The following DTNA variants were observed in gnomAD, a reference collection of about 807,000 sequenced individuals.
DTNA encodes dystrophin-related protein 3.
A neutral mutation model predicts 100.7 loss-of-function variants in DTNA; 43 were observed. That is an observed-to-expected ratio of 0.43 (90% CI 0.33 to 0.55). The LOEUF is 0.55. DTNA is among the 20% of genes least tolerant of loss of function. DTNA has a pLI of 0.04. For synonymous variants in DTNA, 349 were observed against 347.9 expected, an observed-to-expected ratio of 1.00 and a Z score of -0.04; for missense variants, 798 against 953.9, an observed-to-expected ratio of 0.84 and a Z score of 2.15.
At chr18:34,547,024 A>T (rs2145854772) in intron 1 of DTNA, among the ~76,000 whole-genome samples, 1 of 152,160 alleles carries the variant, frequency 6.6e-6, no homozygotes, top group African/African-American at 2.4e-5. Flanking sequence ...AATTTTCATG[A>T]TTATAAATCT....
intron 1 of DTNA, among the ~76,000 whole-genome samples, chr18:34,592,702 G>A (rs1367274510): frequency 3.3e-5 from 5 of 151,962 alleles, no homozygotes; most frequent in South Asian, 2.1e-4. Flanking sequence ...CAAGCAGGCG[G>A]CATGATGATT....
At chr18:34,612,843 T>A (rs1362979016) in intron 1 of DTNA, among the ~76,000 whole-genome samples, 1 of 152,216 alleles carries the variant, frequency 6.6e-6, no homozygotes, top group East Asian at 1.9e-4. Flanking sequence ...TTAGAATTAA[T>A]CATGACTAGG....
intron 11 of DTNA, 71 bp downstream of exon 11, chr18:34,829,560 C>A: frequency 7.2e-7 from 1 of 1,379,884 alleles, no homozygotes; most frequent in Non-Finnish European, 9.5e-7. Context: ...TCATTCTACT[C>A]TGGCACTAAA....
At chr18:34,833,795 T>C (rs2096071131) in intron 11 of DTNA, among the ~76,000 whole-genome samples, 1 of 152,238 alleles carries the variant, frequency 6.6e-6, no homozygotes, top group Admixed American at 6.5e-5. Flanking sequence ...GTGTATCCCA[T>C]GGTCAAGTTG....
At chr18:34,499,115 A>G (rs1160565654) in intron 1 of DTNA, among the ~76,000 whole-genome samples, 1 of 152,206 alleles carries the variant, frequency 6.6e-6, no homozygotes, top group Non-Finnish European at 1.5e-5. Context: ...TTCTATGGCA[A>G]CACCAACTTG....
intron 16 of DTNA, among the ~76,000 whole-genome samples, chr18:34,860,633 G>A (rs186691150): frequency 5.1e-4 from 78 of 152,246 alleles, no homozygotes; most frequent in African/African-American, 1.5e-3. Context: ...ACCTGAGCAC[G>A]GCAGAGCTTT....
intron 2 of DTNA, among the ~76,000 whole-genome samples, chr18:34,762,733 A>G (rs1474975584): frequency 2.0e-5 from 3 of 152,152 alleles, no homozygotes; most frequent in Non-Finnish European, 2.9e-5. Context: ...CTGACACACT[A>G]AATTGTATTG....
At chr18:34,530,225 C>T (rs777095292) in intron 1 of DTNA, among the ~76,000 whole-genome samples, 5 of 152,020 alleles carry the variant, frequency 3.3e-5, no homozygotes, top group African/African-American at 1.2e-4. Context: ...AGGATTTAAA[C>T]GTCTTCATCA....
chr18:34,627,972 G>T (rs185462086), intron 1 of DTNA, among the ~76,000 whole-genome samples: 402 of 152,170 alleles, frequency 2.6e-3, no homozygotes, highest in African/African-American at 9.1e-3. Context: ...TTGTTGGGGG[G>T]TAGAGATGGG....
At chr18:34,825,210 T>C in intron 9 of DTNA, 3 of 1,611,082 alleles carry the variant, frequency 1.9e-6, no homozygotes, top group Non-Finnish European at 2.5e-6. Flanking sequence ...TTGTATTGCT[T>C]GTAAATATTA....
intron 1 of DTNA, among the ~76,000 whole-genome samples, chr18:34,673,949 A>T (rs1397978487): frequency 1.3e-5 from 2 of 152,172 alleles, no homozygotes; most frequent in Non-Finnish European, 2.9e-5. Flanking sequence ...TAGGCAACTG[A>T]AAAGTGAGGC....
chr18:34,866,100 T>G (rs1315968113), intron 17 of DTNA: 1 of 1,614,088 alleles, frequency 6.2e-7, no homozygotes. Flanking sequence ...ATTGATTCAA[T>G]CTTTCTGTAG....
intron 1 of DTNA, among the ~76,000 whole-genome samples, chr18:34,585,668 C>T (rs67831750): frequency 0.1 from 15,634 of 152,012 alleles, 1,162 homozygotes; most frequent in African/African-American, 0.21. Context: ...TAATATCCTA[C>T]ATAGAATCCT....
intron 1 of DTNA, among the ~76,000 whole-genome samples, chr18:34,571,379 CA>C (rs2047571476): frequency 6.6e-6 from 1 of 152,152 alleles, no homozygotes; most frequent in Admixed American, 6.5e-5. Flanking sequence ...TGTGTGCTTA[CA>C]GGTGTTCTCA....
At chr18:34,625,785 G>A (rs1243235060) in intron 1 of DTNA, among the ~76,000 whole-genome samples, 1 of 152,164 alleles carries the variant, frequency 6.6e-6, no homozygotes, top group Non-Finnish European at 1.5e-5. Flanking sequence ...ATATGGGAGA[G>A]GAAGTGCTGG....
intron 1 of DTNA, among the ~76,000 whole-genome samples, chr18:34,500,921 TTTATTTATAATCTATATGCCTTTTG>T (rs1292094677): frequency 1.3e-5 from 2 of 152,234 alleles, no homozygotes; most frequent in Non-Finnish European, 2.9e-5. Context: ...AACAATTTTA[TTTATTTATAATCTATATGCCTTTTG>T]TTTCCTTTTC....
chr18:34,767,926 A>C (rs1048702527), intron 3 of DTNA, among the ~76,000 whole-genome samples: 1 of 152,214 alleles, frequency 6.6e-6, no homozygotes, highest in African/African-American at 2.4e-5. Flanking sequence ...GTAGTGAGAA[A>C]AGCATTACAG....
intron 20 of DTNA, among the ~76,000 whole-genome samples, chr18:34,881,437 C>CTTTTTTTTTTTTTTTTT (rs752828928): frequency 3.9e-4 from 20 of 51,396 alleles, no homozygotes; most frequent in Non-Finnish European, 6.0e-4. Flanking sequence ...AATTAAAATG[C>CTTTTTTTTTTTTTTTTT]TTTTTTTTTT....
At chr18:34,684,360 C>T (rs932260192) in intron 1 of DTNA, among the ~76,000 whole-genome samples, 1 of 152,112 alleles carries the variant, frequency 6.6e-6, no homozygotes, top group Non-Finnish European at 1.5e-5. Flanking sequence ...CATATGTTCT[C>T]ATTGTTCAAC....
Sources: allele counts gnomAD v4.1 joint callset (sites outside exome capture counted in the v4.1 genomes callset), GRCh38; gene constraint gnomAD v4.1.1; transcripts MANE v1.5; gene names NCBI Gene and HGNC (gene_info 2026-07-23, HGNC 2026-07-21).